CACNA2D1: variants seen among roughly 807,000 people sequenced by gnomAD.
CACNA2D1 encodes the protein voltage-dependent calcium channel subunit alpha-2/delta-1.
CACNA2D1 carries 53 observed loss-of-function variants against 171.5 expected under a neutral mutation model. That is an observed-to-expected ratio of 0.31 (90% confidence interval 0.25 to 0.39). CACNA2D1 has a LOEUF of 0.39. Ranked by LOEUF, CACNA2D1 falls within the 10% of genes least tolerant of loss-of-function variation. The pLI, the probability that CACNA2D1 is intolerant of heterozygous loss-of-function variation, is 1.00. For synonymous variants in CACNA2D1, 442 were observed against 443.1 expected (o/e 1.00, Z 0.03); for missense variants, 903 against 1,299.8 (o/e 0.69, Z 4.69).
intron 18 of CACNA2D1, among the ~76,000 whole-genome samples, chr7:81,999,313 A>G (rs1228264837): frequency 1.3e-5 from 2 of 152,192 alleles, no homozygotes; most frequent in Non-Finnish European, 2.9e-5. Context: ...AAAATTCAAA[A>G]GCATAATCTT....
At chr7:81,974,233 A>C (rs1318300055) in intron 25 of CACNA2D1, among the ~76,000 whole-genome samples, 1 of 152,090 alleles carries the variant, frequency 6.6e-6, no homozygotes, top group Non-Finnish European at 1.5e-5. Flanking sequence ...ATTTGAAAGA[A>C]TATATTACCT....
At chr7:82,062,621 TAAG>T (rs1427888277) in intron 9 of CACNA2D1, among the ~76,000 whole-genome samples, 1 of 151,516 alleles carries the variant, frequency 6.6e-6, no homozygotes, top group Non-Finnish European at 1.5e-5. Flanking sequence ...TAATATACTT[TAAG>T]TTTTAGGGTA....
intron 1 of CACNA2D1, among the ~76,000 whole-genome samples, chr7:82,369,262 A>AC (rs1311151802): frequency 2.0e-5 from 3 of 152,058 alleles, no homozygotes; most frequent in Non-Finnish European, 4.4e-5. Flanking sequence ...GTAGGAATTC[A>AC]TTAAGTGTTT....
chr7:82,194,138 A>AT (rs1294663195), intron 3 of CACNA2D1, among the ~76,000 whole-genome samples: 1 of 151,982 alleles, frequency 6.6e-6, no homozygotes, highest in Admixed American at 6.6e-5. Context: ...AGCTGTGTGT[A>AT]TTTCTACATG....
chr7:82,226,702 A>G lies in CACNA2D1; in HGVS notation c.295-56093T>C, dbSNP rs557815422. On this transcript the variant is annotated intron_variant, in intron 3 of 38. Coordinates refer to ENST00000356860, the MANE Select transcript of CACNA2D1 (RefSeq NM_000722.4). The stretch of plus-strand genomic sequence containing the variant: ...TATCCTATAGGAAGAAGAAATAAAT[A>G]CTATGAGATCAGAAGAGATTGATCC... Among the ~76,000 whole-genome samples the G allele has an allele frequency of 2.3e-4, 35 of 152,368 alleles. 1 individual carries two copies. Among genetic ancestry groups the G allele is most frequent in the Middle Eastern group, 6.8e-3 (2 of 294 alleles).
intron 16 of CACNA2D1, among the ~76,000 whole-genome samples, chr7:82,007,297 A>C (rs898463064): frequency 5.3e-5 from 8 of 152,144 alleles, no homozygotes; most frequent in Admixed American, 3.3e-4. Flanking sequence ...ACCAATGTAC[A>C]CCTGATACAA....
chr7:82,007,623 C>T, intron 16 of CACNA2D1, 56 bp downstream of exon 16: 1 of 921,762 alleles, frequency 1.1e-6, no homozygotes, highest in Non-Finnish European at 1.8e-6. Context: ...CCATGTTGAG[C>T]TTCAACGTCA....
intron 32 of CACNA2D1, among the ~76,000 whole-genome samples, chr7:81,964,861 C>T (rs570163703): frequency 6.6e-5 from 10 of 151,950 alleles, no homozygotes; most frequent in South Asian, 4.1e-4. Context: ...ATTGGCTTGA[C>T]GCAGTAATCA....
At chr7:82,348,660 C>A (rs555893926) in intron 2 of CACNA2D1, among the ~76,000 whole-genome samples, 104 of 152,128 alleles carry the variant, frequency 6.8e-4, no homozygotes, top group Non-Finnish European at 5.4e-4. Flanking sequence ...TTAAGAATTT[C>A]TATTAATACA....
intron 1 of CACNA2D1, among the ~76,000 whole-genome samples, chr7:82,417,807 C>T (rs533117832): frequency 6.6e-6 from 1 of 152,124 alleles, no homozygotes; most frequent in South Asian, 2.1e-4. Flanking sequence ...TATTGAGTAC[C>T]TATAAAAAGG....
intron 3 of CACNA2D1, among the ~76,000 whole-genome samples, chr7:82,177,068 A>T (rs1428130672): frequency 3.8e-3 from 208 of 55,154 alleles, no homozygotes; most frequent in African/African-American, 5.3e-3. Flanking sequence ...ACAGGTCTCT[A>T]TTTTTTTTTT....
intron 1 of CACNA2D1, among the ~76,000 whole-genome samples, chr7:82,434,051 G>A (rs887645269): frequency 2.6e-5 from 4 of 152,186 alleles, no homozygotes; most frequent in Admixed American, 6.5e-5. Context: ...ATAATCCCTC[G>A]CAACCATTCA....
intron 12 of CACNA2D1, among the ~76,000 whole-genome samples, chr7:82,016,932 T>C (rs1204045471): frequency 1.3e-5 from 2 of 152,128 alleles, no homozygotes; most frequent in Non-Finnish European, 2.9e-5. Context: ...TGCCTTGTTG[T>C]AGAGATTTTT....
At chr7:82,187,738 C>T (rs971377090) in intron 3 of CACNA2D1, among the ~76,000 whole-genome samples, 4 of 151,986 alleles carry the variant, frequency 2.6e-5, no homozygotes, top group African/African-American at 9.7e-5. Context: ...GTGTAGATTG[C>T]TTTGATAATT....
chr7:82,334,173 G>C (rs1253172884), intron 3 of CACNA2D1, among the ~76,000 whole-genome samples: 1 of 152,114 alleles, frequency 6.6e-6, no homozygotes, highest in Admixed American at 6.6e-5. Context: ...TAATTAAGAA[G>C]TGTAACACTT....
At chr7:82,284,056 G>T (rs1165567008) in intron 3 of CACNA2D1, among the ~76,000 whole-genome samples, 1 of 151,894 alleles carries the variant, frequency 6.6e-6, no homozygotes. Flanking sequence ...AGAACTGGGT[G>T]TAGTGGTGTG....
chr7:82,369,216 C>A (rs2299181), intron 1 of CACNA2D1, among the ~76,000 whole-genome samples: 111,900 of 151,926 alleles, frequency 0.74, 41,577 homozygotes, highest in African/African-American at 0.85. Flanking sequence ...TTTAAGCTTC[C>A]TGCAGACAGT....
intron 4 of CACNA2D1, among the ~76,000 whole-genome samples, chr7:82,145,759 A>T (rs1164129902): frequency 3.3e-5 from 5 of 150,068 alleles, no homozygotes; most frequent in African/African-American, 1.2e-4. Context: ...CACCCTCTAA[A>T]TAGTTTACAT....
intron 3 of CACNA2D1, among the ~76,000 whole-genome samples, chr7:82,221,828 T>C (rs1801806860): frequency 6.6e-6 from 1 of 150,866 alleles, no homozygotes; most frequent in Admixed American, 6.6e-5. Flanking sequence ...GATTTCAAGA[T>C]AAGTAATAAA....
Sources: gnomAD v4.1 joint callset for allele counts (sites outside exome capture counted in the v4.1 genomes callset) on GRCh38, gnomAD v4.1.1 for gene constraint, MANE v1.5 for transcripts, NCBI Gene and HGNC (gene_info 2026-07-23, HGNC 2026-07-21) for gene names.